The following GRB10 variants were observed in gnomAD, a reference collection of about 807,000 sequenced individuals.
GRB10 encodes the protein growth factor receptor-bound protein 10.
Under a neutral mutation model 80.9 loss-of-function variants are expected in GRB10, and 20 were observed. The ratio of observed to expected loss-of-function variants is 0.25; its 90% CI spans 0.17 to 0.36. The LOEUF (loss-of-function observed/expected upper bound fraction) is 0.36, where lower values mean the gene tolerates loss of function less well. Among genes scored for constraint, GRB10 ranks in the 10% least tolerant of loss-of-function variants. The pLI, the probability that GRB10 is intolerant of heterozygous loss-of-function variation, is 1.00. For missense variants in GRB10, 548 were observed against 747.7 expected (o/e 0.73, Z 3.12); for synonymous variants, 291 against 291.5 (o/e 1.00, Z 0.02).
At chr7:50,610,254 T>C (rs2049274126) in intron 13 of GRB10, among the ~76,000 whole-genome samples, 1 of 152,198 alleles carries the variant, frequency 6.6e-6, no homozygotes, top group Admixed American at 6.5e-5. Flanking sequence ...ATCATTTCTG[T>C]ATAGTGGGCA....
chr7:50,593,773 T>C (rs1204311264), intron 18 of GRB10, among the ~76,000 whole-genome samples: 5 of 152,192 alleles, frequency 3.3e-5, no homozygotes, highest in Non-Finnish European at 1.5e-5. Context: ...TCACAGGGAA[T>C]AGGTCAGCCT....
chr7:50,626,619 A>T (rs1397848140), intron 8 of GRB10, among the ~76,000 whole-genome samples: 1 of 152,218 alleles, frequency 6.6e-6, no homozygotes, highest in Non-Finnish European at 1.5e-5. Context: ...CCAAGGCAAG[A>T]TTCCCAAAGT....
intron 2 of GRB10, among the ~76,000 whole-genome samples, chr7:50,777,902 C>T (rs758560726): frequency 7.2e-5 from 11 of 152,024 alleles, no homozygotes; most frequent in Non-Finnish European, 8.8e-5. Context: ...ATAACACACA[C>T]CAGGGCCTGT....
At chr7:50,623,739 G>A (rs970914950) in intron 8 of GRB10, among the ~76,000 whole-genome samples, 1 of 152,144 alleles carries the variant, frequency 6.6e-6, no homozygotes, top group Admixed American at 6.5e-5. Context: ...TATTATTAAG[G>A]GACTGATATT....
intron 7 of GRB10, among the ~76,000 whole-genome samples, chr7:50,666,747 G>T (rs2059847496): frequency 2.0e-5 from 3 of 152,090 alleles, no homozygotes; most frequent in Admixed American, 2.0e-4. Flanking sequence ...CACTTAAAAA[G>T]GAGAGAGGCA....
rs539043403 is a variant in GRB10, at chr7:50,764,179, A to C, written c.-216-8123T>G. On this transcript the variant is annotated intron_variant, in intron 2 of 18. Transcript: ENST00000401949. ...TGCTGGTAGCCTCCTCAGAGAACCA[A>C]GGCTCCCCATCCACCCTGTCCTGTC... 2.6e-5 allele frequency among the ~76,000 whole-genome samples: 4 copies of C among 152,292 alleles called. No homozygotes were observed. The South Asian group carries it at 8.3e-4, about 32-fold the overall frequency.
intron 2 of GRB10, among the ~76,000 whole-genome samples, chr7:50,776,526 T>G (rs2077671363): frequency 1.3e-5 from 2 of 152,202 alleles, no homozygotes; most frequent in Non-Finnish European, 2.9e-5. Flanking sequence ...CAGCCTCTGC[T>G]TCCCTTTGGA....
chr7:50,595,746 C>T (rs981507066), intron 17 of GRB10: 64 of 512,560 alleles, frequency 1.2e-4, no homozygotes, highest in Non-Finnish European at 2.1e-4. Context: ...TGTCATTCTC[C>T]ATTGGAAAAA....
chr7:50,685,185 G>T (rs919003810), intron 5 of GRB10, among the ~76,000 whole-genome samples: 1 of 152,144 alleles, frequency 6.6e-6, no homozygotes, highest in Non-Finnish European at 1.5e-5. Context: ...AATATTTGCT[G>T]AACACTAACT....
intron 2 of GRB10, chr7:50,779,443 A>G (rs2078057293): frequency 6.6e-6 from 1 of 152,248 alleles, no homozygotes; most frequent in African/African-American, 2.4e-5. Flanking sequence ...TAAGAAAATA[A>G]ATAAGCAAAA....
At chr7:50,616,183 C>T (rs1341581229) in intron 11 of GRB10, 27 bp downstream of exon 11, 1 of 1,614,076 alleles carries the variant, frequency 6.2e-7, no homozygotes, top group East Asian at 2.2e-5. Flanking sequence ...AGAATTAGGG[C>T]TGGTGGTGGT....
At chr7:50,729,020 C>T (rs1323639661) in intron 4 of GRB10, among the ~76,000 whole-genome samples, 1 of 152,156 alleles carries the variant, frequency 6.6e-6, no homozygotes, top group Non-Finnish European at 1.5e-5. Context: ...TCAAGCCCTG[C>T]ACTAGAAGAG....
chr7:50,643,760 T>A (rs2056702336), intron 7 of GRB10, among the ~76,000 whole-genome samples: 1 of 152,212 alleles, frequency 6.6e-6, no homozygotes, highest in Non-Finnish European at 1.5e-5. Context: ...ATGGTGTGTG[T>A]ACATATAAAT....
At chr7:50,764,215 C>T (rs1258969797) in intron 2 of GRB10, among the ~76,000 whole-genome samples, 1 of 152,246 alleles carries the variant, frequency 6.6e-6, no homozygotes, top group African/African-American at 2.4e-5. Flanking sequence ...CCTGTCCACC[C>T]TGAGGGATCA....
chr7:50,767,047 T>C (rs1005653170), intron 2 of GRB10, among the ~76,000 whole-genome samples: 1 of 152,198 alleles, frequency 6.6e-6, no homozygotes, highest in Non-Finnish European at 1.5e-5. Context: ...ACACAGGGTA[T>C]GGACACATTA....
intron 3 of GRB10, 141 bp from the exon 4 acceptor site, chr7:50,732,509 G>A: frequency 1.6e-6 from 1 of 640,392 alleles, no homozygotes; most frequent in Admixed American, 2.6e-5. Flanking sequence ...CTTGCTCGGG[G>A]CACCAGCTTT....
chr7:50,747,418 C>T (rs1189594943), intron 3 of GRB10, among the ~76,000 whole-genome samples: 1 of 152,212 alleles, frequency 6.6e-6, no homozygotes, highest in Non-Finnish European at 1.5e-5. Flanking sequence ...TCTTCCAGTG[C>T]TTCTTTGAGC....
intron 3 of GRB10, among the ~76,000 whole-genome samples, chr7:50,735,820 T>C (rs895832058): frequency 2.6e-5 from 4 of 152,144 alleles, no homozygotes; most frequent in Non-Finnish European, 4.4e-5. Flanking sequence ...AATATTGTGA[T>C]ATATATAAAA....
At chr7:50,728,489 A>G (rs995828578) in intron 4 of GRB10, among the ~76,000 whole-genome samples, 2 of 152,044 alleles carry the variant, frequency 1.3e-5, no homozygotes, top group Non-Finnish European at 2.9e-5. Flanking sequence ...GAAAATGGGG[A>G]GGAGATGAGC....
Sources: gnomAD v4.1 joint callset for allele counts (sites outside exome capture counted in the v4.1 genomes callset) on GRCh38, gnomAD v4.1.1 for gene constraint, MANE v1.5 for transcripts, NCBI Gene and HGNC (gene_info 2026-07-23, HGNC 2026-07-21) for gene names.